The following HDAC9 variants were observed in gnomAD, a reference collection of about 807,000 sequenced individuals.
HDAC9 encodes the protein histone deacetylase 9, also known as MEF-2 interacting transcription repressor (MITR) protein.
In HDAC9, 41 loss-of-function variants were observed where a neutral mutation model predicts 139.4. The ratio of observed to expected loss-of-function variants is 0.29; its 90% CI spans 0.23 to 0.38. The LOEUF (loss-of-function observed/expected upper bound fraction) is 0.38, where lower values mean the gene tolerates loss of function less well. Among genes scored for constraint, HDAC9 ranks in the 10% least tolerant of loss-of-function variants. The probability of loss-of-function intolerance (pLI) is 1.00; values close to 1 mark genes in which losing one functional copy is unlikely to be tolerated. For synonymous variants in HDAC9, 517 were observed against 476.2 expected, an observed-to-expected ratio of 1.09 and a Z score of -1.12; for missense variants, 1,147 against 1,297.0, an observed-to-expected ratio of 0.88 and a Z score of 1.78.
intron 1 of HDAC9, among the ~76,000 whole-genome samples, chr7:18,374,521 A>C (rs148402988): frequency 2.8e-4 from 43 of 152,218 alleles, no homozygotes; most frequent in African/African-American, 1.0e-3. Context: ...AGGCAATTGT[A>C]AAACAATGGT....
intron 1 of HDAC9, among the ~76,000 whole-genome samples, chr7:18,094,438 AC>A (rs908046831): frequency 5.2e-5 from 7 of 135,908 alleles, no homozygotes; most frequent in Admixed American, 2.2e-4. Flanking sequence ...TGTTACCTTT[AC>A]TTTTTTTTTT....
At position 18,835,912 on chromosome 7, in the gene HDAC9, C is replaced by G. The variant is rs777262028; in HGVS notation, c.2599C>G (p.Leu867Val). The G allele has an allele frequency of 1.1e-5, 17 of 1,556,822 alleles. No individual in the cohort carries two copies. The East Asian group carries it at 4.1e-4, about 37-fold the overall frequency. Reference sequence around the variant, plus strand: ...TTTCTCTTCCCAGGTTGGAACAGGCCTTGGAGAAGGGTACAATATAAATAT... The same window carrying G: ...TTTCTCTTCCCAGGTTGGAACAGGCGTTGGAGAAGGGTACAATATAAATAT... ...SGAPNEVGTG[L>V]GEGYNINIAW... Residue 867 changes from leucine to valine, a missense_variant, in exon 21 of 26, where the codon CTT (leucine) becomes GTT (valine). Leu to Val is a conservative substitution (Grantham distance 32, BLOSUM62 1). Transcript: ENST00000686413.
intron 17 of HDAC9, among the ~76,000 whole-genome samples, chr7:18,821,705 A>G (rs1035106511): frequency 6.6e-6 from 1 of 152,176 alleles, no homozygotes; most frequent in Non-Finnish European, 1.5e-5. Context: ...GACACTCTCT[A>G]CCTGCAGATA....
intron 3 of HDAC9, among the ~76,000 whole-genome samples, chr7:18,589,226 T>C (rs1830284824): frequency 6.6e-6 from 1 of 152,112 alleles, no homozygotes. Flanking sequence ...AAGATGGCTA[T>C]TAAAAAAGAA....
chr7:18,804,448 C>G (rs17140010), intron 17 of HDAC9, among the ~76,000 whole-genome samples: 1 of 152,100 alleles, frequency 6.6e-6, no homozygotes, highest in Non-Finnish European at 1.5e-5. Flanking sequence ...AATGAAGGGT[C>G]TATTTCTAAT....
intron 6 of HDAC9, among the ~76,000 whole-genome samples, chr7:18,625,270 TC>T (rs1378910372): frequency 6.6e-6 from 1 of 152,204 alleles, no homozygotes; most frequent in African/African-American, 2.4e-5. Context: ...ATCTCTCTTT[TC>T]TTTTCTTCCC....
At chr7:18,905,038 A>G (rs1034042143) in intron 22 of HDAC9, among the ~76,000 whole-genome samples, 1 of 152,060 alleles carries the variant, frequency 6.6e-6, no homozygotes, top group East Asian at 1.9e-4. Context: ...AGCTGGGCCT[A>G]CGGTCATGAG....
intron 12 of HDAC9, among the ~76,000 whole-genome samples, chr7:18,704,820 A>G (rs906068652): frequency 6.6e-6 from 1 of 152,212 alleles, no homozygotes; most frequent in Non-Finnish European, 1.5e-5. Flanking sequence ...ATACTAAATT[A>G]TACTTTAATA....
At chr7:18,314,992 C>T (rs947847393) in intron 1 of HDAC9, among the ~76,000 whole-genome samples, 10 of 152,112 alleles carry the variant, frequency 6.6e-5, no homozygotes, top group Non-Finnish European at 1.2e-4. Context: ...TTCGCAGCAA[C>T]GTGGTTGAAA....
chr7:18,643,995 T>TA (rs67373116), intron 8 of HDAC9, among the ~76,000 whole-genome samples: 16 of 151,748 alleles, frequency 1.1e-4, no homozygotes, highest in Admixed American at 6.6e-4. Flanking sequence ...AGTAATGGAT[T>TA]AAAAAAAAGG....
intron 2 of HDAC9, among the ~76,000 whole-genome samples, chr7:18,277,773 A>G (rs1322769831): frequency 6.6e-6 from 1 of 152,196 alleles, no homozygotes; most frequent in Non-Finnish European, 1.5e-5. Flanking sequence ...CTTACCTCTG[A>G]TTCAGCTAAA....
At chr7:18,142,437 C>T (rs370634661) in intron 1 of HDAC9, among the ~76,000 whole-genome samples, 28 of 152,232 alleles carry the variant, frequency 1.8e-4, no homozygotes, top group Non-Finnish European at 2.5e-4. Context: ...AAAAAATACA[C>T]GTTTGAAGAT....
At chr7:18,264,208 A>G (rs1158610011) in intron 2 of HDAC9, among the ~76,000 whole-genome samples, 1 of 152,234 alleles carries the variant, frequency 6.6e-6, no homozygotes, top group Non-Finnish European at 1.5e-5. Context: ...ACCCAACAAC[A>G]GTGGAATACA....
intron 1 of HDAC9, among the ~76,000 whole-genome samples, chr7:18,123,840 G>A (rs572790602): frequency 4.8e-4 from 73 of 152,284 alleles, no homozygotes; most frequent in African/African-American, 1.7e-3. Context: ...TTAAGCAGTG[G>A]TTAATTTAAC....
intron 2 of HDAC9, among the ~76,000 whole-genome samples, chr7:18,538,996 T>G (rs1278507830): frequency 6.6e-6 from 1 of 152,202 alleles, no homozygotes; most frequent in African/African-American, 2.4e-5. Flanking sequence ...CTCTTTATCT[T>G]CTTGTAAAGC....
At chr7:18,579,372 G>A (rs1044728116) in intron 2 of HDAC9, among the ~76,000 whole-genome samples, 1 of 152,154 alleles carries the variant, frequency 6.6e-6, no homozygotes, top group African/African-American at 2.4e-5. Flanking sequence ...TCTGGACCCT[G>A]AACTGCTGAT....
chr7:18,655,790 A>G (rs1035624711), intron 11 of HDAC9, among the ~76,000 whole-genome samples: 1 of 152,180 alleles, frequency 6.6e-6, no homozygotes, highest in Non-Finnish European at 1.5e-5. Flanking sequence ...ATTGAATGAG[A>G]AAAACAATAG....
intron 2 of HDAC9, chr7:18,517,881 A>G (rs1803756658): frequency 6.6e-6 from 1 of 152,224 alleles, no homozygotes; most frequent in Admixed American, 6.5e-5. Context: ...CTTCTGAAGT[A>G]GTAATTGGAA....
chr7:18,989,209 T>C (rs1585498542), intron 25 of HDAC9, among the ~76,000 whole-genome samples: 1 of 149,270 alleles, frequency 6.7e-6, no homozygotes, highest in East Asian at 1.9e-4. Context: ...TACCGGTTGT[T>C]CCTTTCCATG....
Sources: allele counts gnomAD v4.1 joint callset (sites outside exome capture counted in the v4.1 genomes callset), GRCh38; gene constraint gnomAD v4.1.1; transcripts MANE v1.5; gene names NCBI Gene and HGNC (gene_info 2026-07-23, HGNC 2026-07-21).